ITGAE: variants seen among roughly 807,000 people sequenced by gnomAD.
ITGAE encodes integrin alpha-E.
Under a neutral mutation model 136.5 loss-of-function variants are expected in ITGAE, and 99 were observed. The observed-to-expected ratio is 0.73, with a 90% CI of 0.62 to 0.86. ITGAE has a LOEUF of 0.86. Ranked by LOEUF, ITGAE falls within the 40% of genes least tolerant of loss-of-function variation. ITGAE has a pLI of 0.00. For missense variants in ITGAE, 1,447 were observed against 1,515.3 expected, an observed-to-expected ratio of 0.95 and a Z score of 0.75; for synonymous variants, 613 against 591.8, an observed-to-expected ratio of 1.04 and a Z score of -0.52.
At chr17:3,717,992 C>A (rs2050974710) in intron 29 of ITGAE, 1 of 152,212 alleles carries the variant, frequency 6.6e-6, no homozygotes, top group Admixed American at 6.5e-5. Flanking sequence ...TCAAAGCCAC[C>A]TCCCTTTATC....
intron 30 of ITGAE, among the ~76,000 whole-genome samples, chr17:3,715,424 G>A (rs1266587466): frequency 1.3e-5 from 2 of 152,192 alleles, no homozygotes; most frequent in Non-Finnish European, 2.9e-5. Context: ...AGCCAGCACA[G>A]AGGACTCAGG....
chr17:3,718,309 C>T (rs1243994459), intron 29 of ITGAE: 4 of 152,252 alleles, frequency 2.6e-5, no homozygotes, highest in Non-Finnish European at 5.9e-5. Flanking sequence ...GAAGAAAAAT[C>T]CAACATCCTT....
chr17:3,724,078 GCAGCAGCGACGC>G, intron 26 of ITGAE: 2 of 1,596,358 alleles, frequency 1.3e-6, no homozygotes, highest in Non-Finnish European at 1.7e-6. Flanking sequence ...AACAGCAGCG[GCAGCAGCGACGC>G]CAGCATCGGC....
intron 29 of ITGAE, among the ~76,000 whole-genome samples, chr17:3,719,511 C>T (rs2051008427): frequency 6.6e-6 from 1 of 152,160 alleles, no homozygotes; most frequent in Non-Finnish European, 1.5e-5. Context: ...CAGGGTAACA[C>T]ACAAAGCATT....
At chr17:3,734,324 C>T (rs1412192020) in intron 21 of ITGAE, among the ~76,000 whole-genome samples, 6 of 152,340 alleles carry the variant, frequency 3.9e-5, no homozygotes, top group South Asian at 2.1e-4. Context: ...CCGCCCGTCT[C>T]GGCCTCCCAA....
intron 1 of ITGAE, among the ~76,000 whole-genome samples, chr17:3,791,723 A>C (rs1283547333): frequency 6.6e-6 from 1 of 152,218 alleles, no homozygotes; most frequent in Non-Finnish European, 1.5e-5. Flanking sequence ...ATTCTGACTC[A>C]GCAGATAATG....
intron 30 of ITGAE, among the ~76,000 whole-genome samples, chr17:3,716,351 CAAGT>C (rs1680264824): frequency 6.6e-6 from 1 of 152,140 alleles, no homozygotes. Context: ...AGGCCTCTTC[CAAGT>C]AAGTTATAAA....
chr17:3,756,142 C>T (rs2052017610), intron 10 of ITGAE, among the ~76,000 whole-genome samples: 1 of 151,664 alleles, frequency 6.6e-6, no homozygotes, highest in African/African-American at 2.4e-5. Flanking sequence ...CCCCAGCCAT[C>T]CTTGTTTCTC....
chr17:3,745,696 G>T, intron 18 of ITGAE, 68 bp downstream of exon 18: 1 of 1,467,192 alleles, frequency 6.8e-7, no homozygotes, highest in African/African-American at 1.4e-5. Flanking sequence ...GCCCTTCACT[G>T]CATCACCTCA....
intron 14 of ITGAE, among the ~76,000 whole-genome samples, chr17:3,752,711 A>G (rs924281891): frequency 2.0e-5 from 3 of 148,986 alleles, no homozygotes; most frequent in African/African-American, 7.5e-5. Context: ...AGATTGCACC[A>G]TTGCACTCCA....
chr17:3,746,325 C>T (rs1163441457), intron 17 of ITGAE, among the ~76,000 whole-genome samples: 6 of 152,112 alleles, frequency 3.9e-5, no homozygotes, highest in Middle Eastern at 6.8e-3. Flanking sequence ...GTGGAGATCC[C>T]GGGGCCGCCT....
intron 14 of ITGAE, among the ~76,000 whole-genome samples, chr17:3,752,425 C>T (rs1055612303): frequency 6.6e-6 from 1 of 152,194 alleles, no homozygotes; most frequent in African/African-American, 2.4e-5. Context: ...CAAGTGAGAT[C>T]CTGGACTAAA....
At chr17:3,768,576 C>G (rs775582121) in intron 2 of ITGAE, among the ~76,000 whole-genome samples, 1 of 152,178 alleles carries the variant, frequency 6.6e-6, no homozygotes, top group Non-Finnish European at 1.5e-5. Flanking sequence ...TTCCCTCCAC[C>G]GCGCTGTTTC....
chr17:3,721,767 C>T (rs992150049), intron 28 of ITGAE: 3 of 151,744 alleles, frequency 2.0e-5, no homozygotes, highest in African/African-American at 7.3e-5. Context: ...CACGTGTGGC[C>T]GGGTGTGGTG....
Position 3,723,750 on chromosome 17 carries a change from A to G in ITGAE, c.3085-6T>C. 1 of 1,607,164 alleles carries G rather than the reference A, an allele frequency of 6.2e-7. No individual in the cohort carries two copies. The highest frequency in any genetic ancestry group is 8.5e-7 in the Non-Finnish European group (1 of 1,177,150). On this transcript the variant is annotated splice_region_variant and splice_polypyrimidine_tract_variant and intron_variant, in intron 26 of 30. Coordinates refer to ENST00000263087, the MANE Select transcript of ITGAE (RefSeq NM_002208.5). ...CAGGTGCACACCGTGGAGGCCTGAA[A>G]CGAGAGCCATGACCGCGACGCGCTG...
intron 18 of ITGAE, among the ~76,000 whole-genome samples, chr17:3,744,931 C>CTTTATTTA (rs2143016154): frequency 6.6e-6 from 1 of 152,286 alleles, no homozygotes; most frequent in East Asian, 1.9e-4. Flanking sequence ...GTGATTAAGC[C>CTTTATTTA]TTTATTTAAG....
intron 26 of ITGAE, chr17:3,725,281 C>G (rs2051182774): frequency 6.2e-7 from 1 of 1,614,180 alleles, no homozygotes; most frequent in Non-Finnish European, 8.5e-7. Context: ...CCCTTAAACA[C>G]TCTAAGTATT....
chr17:3,760,745 A>C (rs1448069137), intron 6 of ITGAE, among the ~76,000 whole-genome samples: 2 of 151,970 alleles, frequency 1.3e-5, no homozygotes, highest in Admixed American at 6.6e-5. Context: ...TGGCCCCAAG[A>C]GAGAAGCTTT....
intron 26 of ITGAE, chr17:3,724,249 C>G: frequency 6.3e-7 from 1 of 1,592,720 alleles, no homozygotes; most frequent in Non-Finnish European, 8.5e-7. Flanking sequence ...AAGCTGCGAG[C>G]TCGCCCAAGC....
Sources: gnomAD v4.1 joint callset for allele counts (sites outside exome capture counted in the v4.1 genomes callset) on GRCh38, gnomAD v4.1.1 for gene constraint, MANE v1.5 for transcripts, NCBI Gene and HGNC (gene_info 2026-07-23, HGNC 2026-07-21) for gene names.